Variants in TP63 observed in about 807,000 individuals in gnomAD.
TP63 encodes tumor protein p63.
In TP63, 17 loss-of-function variants were observed where a neutral mutation model predicts 82.8. The observed-to-expected ratio is 0.21, with a 90% confidence interval of 0.14 to 0.31. TP63 has a LOEUF of 0.31. Among genes scored for constraint, TP63 ranks in the 10% least tolerant of loss-of-function variants. The pLI is 1.00. For missense variants in TP63, 648 were observed against 895.3 expected, an observed-to-expected ratio of 0.72 and a Z score of 3.52; for synonymous variants, 330 against 321.7, an observed-to-expected ratio of 1.03 and a Z score of -0.28.
intron 4 of TP63, among the ~76,000 whole-genome samples, chr3:189,843,120 C>G (rs752145663): frequency 4.6e-4 from 70 of 152,354 alleles, no homozygotes; most frequent in Middle Eastern, 3.4e-3. Context: ...ACATGCTGCC[C>G]TTCAGCAGGG....
At chr3:189,771,421 TTATA>T (rs1010992078) in intron 3 of TP63, among the ~76,000 whole-genome samples, 1 of 139,924 alleles carries the variant, frequency 7.1e-6, no homozygotes, top group African/African-American at 2.6e-5. Context: ...AAATATATAA[TTATA>T]TATAAATCTA....
the TP63 span, among the ~76,000 whole-genome samples, chr3:189,613,159 C>G: frequency 6.6e-6 from 1 of 152,182 alleles, no homozygotes; most frequent in African/African-American, 2.4e-5. Context: ...ATGTCAGAGG[C>G]CTTTATGGCA....
Position 189,680,843 on chromosome 3 carries a change from C to T in TP63, c.62+49266C>T, listed in dbSNP as rs927769992. Reference sequence around the variant, plus strand: ...CCTAAAGCTGGGGTGGTTCTTGAGCCTGAGTTTACATTAGCTAGCCTGATG... The same window carrying T: ...CCTAAAGCTGGGGTGGTTCTTGAGCTTGAGTTTACATTAGCTAGCCTGATG... On this transcript the variant is annotated intron_variant, in intron 1 of 13. Coordinates refer to ENST00000264731, the MANE Select transcript of TP63 (RefSeq NM_003722.5). Among the ~76,000 whole-genome samples the T allele has an allele frequency of 2.6e-5, 4 of 152,094 alleles. No individual in the cohort carries two copies. The South Asian group carries it at 6.2e-4, about 24-fold the overall frequency.
intron 3 of TP63, among the ~76,000 whole-genome samples, chr3:189,762,952 A>G (rs1722687839): frequency 6.6e-6 from 1 of 152,236 alleles, no homozygotes. Flanking sequence ...CCATCATTGA[A>G]CAACAGACCA....
At chr3:189,646,446 C>T (rs917246186) in intron 1 of TP63, among the ~76,000 whole-genome samples, 2 of 147,398 alleles carry the variant, frequency 1.4e-5, no homozygotes, top group African/African-American at 2.5e-5. Flanking sequence ...CTTTATACTT[C>T]ACATATGGTA....
At chr3:189,615,227 G>A in the TP63 span, among the ~76,000 whole-genome samples, 2 of 152,270 alleles carry the variant, frequency 1.3e-5, no homozygotes, top group African/African-American at 4.8e-5. Flanking sequence ...TCTAGCCCAT[G>A]TGCACCGTCT....
At chr3:189,650,395 C>T (rs189346965) in intron 1 of TP63, among the ~76,000 whole-genome samples, 1 of 147,024 alleles carries the variant, frequency 6.8e-6, no homozygotes, top group East Asian at 2.4e-4. Flanking sequence ...GCTGTGTCCC[C>T]CGCCCCAAAT....
intron 1 of TP63, among the ~76,000 whole-genome samples, chr3:189,733,935 C>A (rs1215884101): frequency 6.6e-6 from 1 of 152,074 alleles, no homozygotes; most frequent in African/African-American, 2.4e-5. Context: ...AATTCTCATA[C>A]CCCACTCTCC....
At chr3:189,866,156 A>T in intron 5 of TP63, among the ~76,000 whole-genome samples, 1 of 152,262 alleles carries the variant, frequency 6.6e-6, no homozygotes, top group Middle Eastern at 3.4e-3. Context: ...CAACACACAA[A>T]CACCAGAACG....
intron 3 of TP63, chr3:189,789,910 T>TA (rs1235798264): frequency 4.8e-6 from 7 of 1,447,040 alleles, no homozygotes; most frequent in Middle Eastern, 1.8e-4. Context: ...TAAAAAAACT[T>TA]ACGTATTTGC....
Position 189,894,734 on chromosome 3 carries a change from T to C in TP63, c.*232T>C, listed in dbSNP as rs569527175. ...CTTGCAGAACTGTAGCTGCCATGGC[T>C]AGGTAGAAGTGAGCAAAAAAGAGTT... On this transcript the variant is annotated 3_prime_UTR_variant, in exon 14 of 14. Transcript: ENST00000264731. The C allele has an allele frequency of 7.1e-6, 4 of 562,262 alleles. No homozygotes were observed. The highest frequency in any genetic ancestry group is 3.7e-5 in the African/African-American group (2 of 53,448). 34.8% of individuals were successfully genotyped at this position (562,262 alleles called of 1,614,324 possible). A position where few individuals can be genotyped will look rare whatever the true frequency, so the allele number is the denominator to read the frequency against.
chr3:189,830,128 G>C (rs1035396244), intron 4 of TP63: 1 of 174,206 alleles, frequency 5.7e-6, no homozygotes, highest in African/African-American at 2.4e-5. Flanking sequence ...GCATTGGACT[G>C]TTGGTTATAG....
upstream of TP63, among the ~76,000 whole-genome samples, chr3:189,628,259 C>T (rs1012873186): frequency 3.3e-5 from 5 of 152,032 alleles, no homozygotes; most frequent in African/African-American, 1.2e-4. Context: ...TGTGAATATG[C>T]GCAGATGGAG....
At chr3:189,766,642 T>G (rs142430419) in intron 3 of TP63, among the ~76,000 whole-genome samples, 1 of 152,304 alleles carries the variant, frequency 6.6e-6, no homozygotes, top group East Asian at 1.9e-4. Context: ...GGAATGTCTT[T>G]TCTCCAGACT....
intron 3 of TP63, among the ~76,000 whole-genome samples, chr3:189,772,470 C>G (rs1723449610): frequency 6.6e-6 from 1 of 152,208 alleles, no homozygotes; most frequent in African/African-American, 2.4e-5. Flanking sequence ...TTTCACCAAT[C>G]AATACATACC....
chr3:189,884,501 C>A (rs576329012), intron 10 of TP63, among the ~76,000 whole-genome samples: 2 of 152,272 alleles, frequency 1.3e-5, no homozygotes, highest in East Asian at 3.9e-4. Context: ...TATATTTACC[C>A]ATATGTATAT....
intron 1 of TP63, among the ~76,000 whole-genome samples, chr3:189,674,338 G>A (rs1715199228): frequency 6.6e-6 from 1 of 152,094 alleles, no homozygotes; most frequent in African/African-American, 2.4e-5. Context: ...TGTTTGGGAT[G>A]ATGTTCTTAA....
At chr3:189,736,787 G>A (rs1577326757) in intron 1 of TP63, among the ~76,000 whole-genome samples, 1 of 60,434 alleles carries the variant, frequency 1.7e-5, no homozygotes, top group East Asian at 3.9e-4. Context: ...GAAATTTTAA[G>A]AAGATGATTG....
At chr3:189,817,016 A>C (rs1269324965) in intron 4 of TP63, among the ~76,000 whole-genome samples, 1 of 151,748 alleles carries the variant, frequency 6.6e-6, no homozygotes, top group East Asian at 1.9e-4. Flanking sequence ...GAAAAAAAAA[A>C]CCCTACAACT....
Sources: gnomAD v4.1 joint callset for allele counts (sites outside exome capture counted in the v4.1 genomes callset) on GRCh38, gnomAD v4.1.1 for gene constraint, MANE v1.5 for transcripts, NCBI Gene and HGNC (gene_info 2026-07-23, HGNC 2026-07-21) for gene names.